The following CCDC152 variants were observed in gnomAD, a reference collection of about 807,000 sequenced individuals.
CCDC152 encodes the protein coiled-coil domain-containing protein 152.
Under a neutral mutation model 38.1 loss-of-function variants are expected in CCDC152, and 37 were observed. The ratio of observed to expected loss-of-function variants is 0.97; its 90% CI spans 0.75 to 1.28. The LOEUF is 1.28. Among genes scored for constraint, CCDC152 ranks in the 50% most tolerant of loss-of-function variants. CCDC152 has a pLI of 0.00. For synonymous variants in CCDC152, 83 were observed against 87.1 expected (o/e 0.95, Z 0.26); for missense variants, 259 against 292.1 (o/e 0.89, Z 0.83).
chr5:42,784,364 T>A (rs1200390692), intron 6 of CCDC152, among the ~76,000 whole-genome samples: 1 of 152,212 alleles, frequency 6.6e-6, no homozygotes, highest in Non-Finnish European at 1.5e-5. Flanking sequence ...TAATTAGTAA[T>A]GTTGAACATT....
chr5:42,798,010 G>C (rs1322454329), intron 7 of CCDC152, among the ~76,000 whole-genome samples: 1 of 152,094 alleles, frequency 6.6e-6, no homozygotes, highest in East Asian at 1.9e-4. Context: ...AAATTAACTG[G>C]GCGTGATGGC....
At chr5:42,770,435 C>T (rs1759681645) in intron 4 of CCDC152, among the ~76,000 whole-genome samples, 1 of 151,990 alleles carries the variant, frequency 6.6e-6, no homozygotes, top group Non-Finnish European at 1.5e-5. Flanking sequence ...CAACTTTTCC[C>T]TTCCTTGTGA....
chr5:42,777,812 T>C (rs949650492), intron 4 of CCDC152, among the ~76,000 whole-genome samples: 4 of 152,210 alleles, frequency 2.6e-5, no homozygotes, highest in African/African-American at 9.7e-5. Flanking sequence ...TCCTAAAGCA[T>C]TGTTCAGATA....
At chr5:42,791,982 A>T (rs1760009170) in intron 6 of CCDC152, among the ~76,000 whole-genome samples, 1 of 152,180 alleles carries the variant, frequency 6.6e-6, no homozygotes, top group South Asian at 2.1e-4. Context: ...TATTGACCTA[A>T]CAGCCAAAAG....
chr5:42,789,543 T>G (rs572958542), intron 6 of CCDC152, among the ~76,000 whole-genome samples: 1 of 152,194 alleles, frequency 6.6e-6, no homozygotes, highest in Non-Finnish European at 1.5e-5. Context: ...TATATATTTA[T>G]GTATGTAAAT....
At chr5:42,798,093 G>A (rs1186320571) in intron 7 of CCDC152, among the ~76,000 whole-genome samples, 1 of 152,174 alleles carries the variant, frequency 6.6e-6, no homozygotes, top group South Asian at 2.1e-4. Context: ...AGACTTAGCA[G>A]TGAGCCGAGA....
Position 42,769,637 on chromosome 5 carries a change from G to A in CCDC152, c.234G>A (p.Gln78=). Residue 78 remains glutamine (Q), a synonymous_variant, in exon 4 of 9, where the codon CAG becomes CAA. Transcript: ENST00000361970. ...TLHNIIKGLQ[Q]TIEYQQNLKG... ...ATAATATAATAAAAGGGCTACAACA[G>A]ACCATTGAATATCAACAGAATTTGA... 1 of 1,481,860 alleles carries A rather than the reference G, an allele frequency of 6.7e-7. No individual in the cohort carries two copies. Among genetic ancestry groups the A allele is most frequent in the Non-Finnish European group, 9.0e-7 (1 of 1,113,658 alleles). 91.8% of individuals were successfully genotyped at this position (1,481,860 alleles called of 1,614,324 possible). A position where few individuals can be genotyped will look rare whatever the true frequency, so the allele number is the denominator to read the frequency against.
Position 42,801,233 on chromosome 5 carries a change from G to A in CCDC152, c.*1452G>A. The A allele has an allele frequency of 6.2e-7, 1 of 1,614,080 alleles. No individual in the cohort carries two copies. Among genetic ancestry groups the A allele is most frequent in the Non-Finnish European group, 8.5e-7 (1 of 1,179,988 alleles). On this transcript the variant is annotated 3_prime_UTR_variant, in exon 9 of 9. Transcript: ENST00000361970. ...TGCCAAGGTGCTGATGTCCATGATT[G>A]TGATGATGCTCATGATGGTAATGAG...
At chr5:42,770,829 T>C (rs1352132038) in intron 4 of CCDC152, among the ~76,000 whole-genome samples, 2 of 152,164 alleles carry the variant, frequency 1.3e-5, no homozygotes, top group East Asian at 3.8e-4. Flanking sequence ...GATTCTCACC[T>C]TCTTTGGTGT....
intron 4 of CCDC152, among the ~76,000 whole-genome samples, chr5:42,774,815 G>A (rs1336107565): frequency 6.6e-6 from 1 of 152,128 alleles, no homozygotes; most frequent in Non-Finnish European, 1.5e-5. Flanking sequence ...ACACAGAAAT[G>A]GCAGGGATAT....
intron 1 of CCDC152, among the ~76,000 whole-genome samples, chr5:42,757,628 CTAAGAAAT>C: frequency 6.6e-6 from 1 of 152,136 alleles, no homozygotes; most frequent in Non-Finnish European, 1.5e-5. Flanking sequence ...GGATCTTGAC[CTAAGAAAT>C]CAGAAGAGCA....
intron 6 of CCDC152, among the ~76,000 whole-genome samples, chr5:42,794,433 C>T (rs1031294463): frequency 5.3e-5 from 8 of 152,124 alleles, no homozygotes; most frequent in African/African-American, 1.9e-4. Flanking sequence ...TGGAACCAAA[C>T]GTTTTTCCTT....
At position 42,802,273 on chromosome 5, in the gene CCDC152, C is replaced by G. The variant is rs1048243015; in HGVS notation, c.*2492C>G. 2.0e-5 allele frequency: 3 copies of G among 152,112 alleles called. No individual in the cohort carries two copies. The highest frequency in any genetic ancestry group is 7.2e-5 in the African/African-American group (3 of 41,418). The allele number at this position is 152,112 out of a possible 1,614,324, so 9.4% of individuals were successfully genotyped here. On this transcript the variant is annotated 3_prime_UTR_variant, in exon 9 of 9. Transcript: ENST00000361970. Reference sequence around the variant, plus strand: ...TTGTGGTACCTACTAATCAGAGACTCAAAGCCTATAGATACAGAAATGTAA... The same window carrying G: ...TTGTGGTACCTACTAATCAGAGACTGAAAGCCTATAGATACAGAAATGTAA...
chr5:42,800,754 T>C lies in CCDC152; in HGVS notation c.*973T>C. ...AGGTCATTCTCACTTTTTTGCCTGA[T>C]TCTTTCAGCGTCAACTGGCACTGGC... On this transcript the variant is annotated 3_prime_UTR_variant, in exon 9 of 9. Transcript: ENST00000361970. The C allele has an allele frequency of 6.2e-7, 1 of 1,609,488 alleles. No individual in the cohort carries two copies. Among genetic ancestry groups the C allele is most frequent in the Non-Finnish European group, 8.5e-7 (1 of 1,176,350 alleles).
At chr5:42,768,960 A>C (rs905623554) in intron 3 of CCDC152, among the ~76,000 whole-genome samples, 1 of 152,160 alleles carries the variant, frequency 6.6e-6, no homozygotes, top group Non-Finnish European at 1.5e-5. Context: ...GTTAAAAGTA[A>C]AGGCTCACAC....
intron 3 of CCDC152, among the ~76,000 whole-genome samples, chr5:42,767,551 AG>A (rs1759641514): frequency 6.6e-6 from 1 of 152,208 alleles, no homozygotes; most frequent in Admixed American, 6.5e-5. Flanking sequence ...CAACTTACAC[AG>A]TAAAGTCCAA....
At chr5:42,762,042 G>T (rs1759559885) in intron 2 of CCDC152, among the ~76,000 whole-genome samples, 1 of 152,144 alleles carries the variant, frequency 6.6e-6, no homozygotes, top group African/African-American at 2.4e-5. Flanking sequence ...AACCTAAATG[G>T]TGTAGCCTAT....
In CCDC152 at chr5:42,801,428, A is replaced by C; in HGVS notation, c.*1647A>C. On this transcript the variant is annotated 3_prime_UTR_variant, in exon 9 of 9. Transcript: ENST00000361970. Reference sequence around the variant, plus strand: ...AGAGCTAACATGTGAAATTCCAACTAGTTAATTAGAATCGAGCTGGCTTTG... The same window carrying C: ...AGAGCTAACATGTGAAATTCCAACTCGTTAATTAGAATCGAGCTGGCTTTG... The C allele has an allele frequency of 8.8e-6, 8 of 911,194 alleles. No homozygotes were observed. Among genetic ancestry groups the C allele is most frequent in the Admixed American group, 2.5e-5 (1 of 40,294 alleles). The allele number at this position is 911,194 out of a possible 1,614,324, so 56.4% of individuals were successfully genotyped here. A position where few individuals can be genotyped will look rare whatever the true frequency, so the allele number is the denominator to read the frequency against.
chr5:42,783,825 A>G (rs1045610203), intron 6 of CCDC152, among the ~76,000 whole-genome samples: 2 of 138,808 alleles, frequency 1.4e-5, no homozygotes, highest in Admixed American at 1.7e-4. Context: ...GCTCCCACTT[A>G]TAAGTGAGTA....
Sources: allele counts gnomAD v4.1 joint callset (sites outside exome capture counted in the v4.1 genomes callset), GRCh38; gene constraint gnomAD v4.1.1; transcripts MANE v1.5; gene names NCBI Gene and HGNC (gene_info 2026-07-23, HGNC 2026-07-21).